Variants in PDE4DIP observed in about 807,000 individuals in gnomAD.
PDE4DIP encodes myomegalin.
A neutral mutation model predicts 221.4 loss-of-function variants in PDE4DIP; 59 were observed. The ratio of observed to expected loss-of-function variants is 0.27; its 90% CI spans 0.22 to 0.33. The LOEUF is 0.33. Among genes scored for constraint, PDE4DIP ranks in the 10% least tolerant of loss-of-function variants. The pLI is 1.00. For missense variants in PDE4DIP, 1,036 were observed against 2,154.2 expected, an observed-to-expected ratio of 0.48 and a Z score of 10.28; for synonymous variants, 404 against 815.9, an observed-to-expected ratio of 0.50 and a Z score of 8.60.
At chr1:148,990,462 G>A in intron 21 of PDE4DIP, 2 of 364,314 alleles carry the variant, frequency 5.5e-6, no homozygotes, top group Non-Finnish European at 7.6e-6. Flanking sequence ...CTGGATGTCT[G>A]AACTCAACAG....
At chr1:148,933,069 C>T (rs1327791455) in intron 4 of PDE4DIP, among the ~76,000 whole-genome samples, 7 of 152,164 alleles carry the variant, frequency 4.6e-5, no homozygotes, top group Admixed American at 6.5e-5. Context: ...AATACATTTC[C>T]GTTGTTTATA....
exon 44 of PDE4DIP, chr1:149,032,156 C>T: frequency 7.6e-7 from 1 of 1,308,756 alleles, no homozygotes; most frequent in Non-Finnish European, 1.1e-6. Flanking sequence ...GAGATGTATC[C>T]TGGTGGAGCT....
chr1:149,030,471 G>A, intron 43 of PDE4DIP, 193 bp downstream of exon 46: 8 of 982,828 alleles, frequency 8.1e-6, no homozygotes, highest in Non-Finnish European at 9.7e-6. Context: ...CACCCCGTCA[G>A]CTCCTGCCCC....
At chr1:148,997,315 C>T (rs1575076033) in intron 22 of PDE4DIP, among the ~76,000 whole-genome samples, 1 of 149,350 alleles carries the variant, frequency 6.7e-6, no homozygotes, top group East Asian at 2.0e-4. Flanking sequence ...TGAGCAAAGG[C>T]CATAAGATCT....
intron 1 of PDE4DIP, among the ~76,000 whole-genome samples, chr1:148,821,691 GTAAGA>G (rs1449857985): frequency 1.4e-5 from 2 of 144,814 alleles, no homozygotes; most frequent in African/African-American, 5.3e-5. Flanking sequence ...ATAGGCCGTG[GTAAGA>G]AGTGGATGTT....
intron 1 of PDE4DIP, among the ~76,000 whole-genome samples, chr1:148,827,244 CTT>C (rs67632049): frequency 6.6e-3 from 225 of 33,980 alleles, no homozygotes; most frequent in Admixed American, 8.3e-3. Context: ...GTGTTATATT[CTT>C]TTTTTTTTTT....
chr1:148,820,748 A>G (rs1373763887), intron 1 of PDE4DIP, among the ~76,000 whole-genome samples: 1 of 144,314 alleles, frequency 6.9e-6, no homozygotes, highest in African/African-American at 2.6e-5. Flanking sequence ...CTTCTTTGCC[A>G]TGGTTTATAG....
rs781927943 is a variant in PDE4DIP at position 148,969,041 on chromosome 1, A to G, written c.1980+11A>G. 3.8e-6 allele frequency: 6 copies of G among 1,598,612 alleles called. No homozygotes were observed. The African/African-American group carries it at 6.7e-5, about 18-fold the overall frequency. On this transcript the variant is annotated intron_variant, in intron 14 of 43. Transcript: ENST00000369354. ...GAGCAGGAAAGCCAAGTAAGGATTA[A>G]TGCACAGATCAGACAAGTGTCATGT...
intron 5 of PDE4DIP, among the ~76,000 whole-genome samples, chr1:148,946,035 T>G (rs1367895828): frequency 1.3e-5 from 2 of 151,282 alleles, no homozygotes; most frequent in Non-Finnish European, 2.9e-5. Flanking sequence ...TCCAGTCTCT[T>G]TCCATCTGTG....
intron 38 of PDE4DIP, among the ~76,000 whole-genome samples, chr1:149,025,426 C>T (rs587612687): frequency 3.3e-5 from 5 of 152,188 alleles, no homozygotes; most frequent in South Asian, 2.1e-4. Flanking sequence ...TGATTTATTT[C>T]GGGTGGTCAT....
chr1:149,009,693 C>T (rs782587360), exon 30 of PDE4DIP: 3 of 1,614,178 alleles, frequency 1.9e-6, no homozygotes, highest in East Asian at 2.2e-5. Context: ...CCCAGCAGCA[C>T]CTCTTTCCTG....
exon 20 of PDE4DIP, chr1:148,979,759 T>G: frequency 6.2e-7 from 1 of 1,613,456 alleles, no homozygotes; most frequent in Non-Finnish European, 8.5e-7. Flanking sequence ...CTAGAAGGAC[T>G]AGTAGATGAA....
intron 1 of PDE4DIP, among the ~76,000 whole-genome samples, chr1:148,820,633 C>A (rs1394554793): frequency 2.1e-5 from 3 of 143,508 alleles, no homozygotes; most frequent in Admixed American, 1.4e-4. Context: ...GAGATTATTG[C>A]AGACTTTTGT....
chr1:148,824,300 C>T (rs1309052277), intron 1 of PDE4DIP, among the ~76,000 whole-genome samples: 11 of 150,062 alleles, frequency 7.3e-5, no homozygotes, highest in Admixed American at 6.0e-4. Flanking sequence ...GGCTTTAGTT[C>T]CTGTCCACAC....
chr1:148,953,076 A>G (rs1553493593), intron 5 of PDE4DIP: 2 of 1,614,118 alleles, frequency 1.2e-6, no homozygotes, highest in African/African-American at 1.3e-5. Context: ...ATGTATCGGA[A>G]GAATAACGAT....
At position 148,911,982 on chromosome 1, in the gene PDE4DIP, A is replaced by G. The variant is rs616359; in HGVS notation, c.142-17215A>G. ...CTTTGCCATATTCTATTGGTTAGAA[A>G]TAAGTCGCAGGGCCTGCTCATACCC... is the stretch of plus-strand genomic sequence containing the variant. On this transcript the variant is annotated intron_variant, in intron 1 of 43. Coordinates refer to ENST00000369354, the Ensembl canonical transcript of PDE4DIP. 2.0e-3 allele frequency among the ~76,000 whole-genome samples: 292 copies of G among 144,398 alleles called. 22 individuals are homozygous for G. The highest frequency in any genetic ancestry group is 6.8e-3 in the African/African-American group (259 of 37,990). 94.7% of individuals were successfully genotyped at this position (144,398 alleles called of 152,430 possible).
At chr1:148,828,823 T>C (rs1315164061) in intron 1 of PDE4DIP, among the ~76,000 whole-genome samples, 1 of 151,064 alleles carries the variant, frequency 6.6e-6, no homozygotes, top group Non-Finnish European at 1.5e-5. Context: ...ATTTCTTTCC[T>C]TGAGGTTTGA....
intron 17 of PDE4DIP, among the ~76,000 whole-genome samples, chr1:148,976,465 C>G (rs2060191887): frequency 6.6e-6 from 1 of 152,052 alleles, no homozygotes. Flanking sequence ...GAAGAAGTCA[C>G]CTTATGTATA....
At chr1:148,953,087 G>C in intron 5 of PDE4DIP, 1 of 1,614,052 alleles carries the variant, frequency 6.2e-7, no homozygotes, top group African/African-American at 1.3e-5. Flanking sequence ...GAATAACGAT[G>C]ACTCTGGCGC....
Sources: allele counts gnomAD v4.1 joint callset (sites outside exome capture counted in the v4.1 genomes callset), GRCh38; gene constraint gnomAD v4.1.1; transcripts MANE v1.5; gene names NCBI Gene and HGNC (gene_info 2026-07-23, HGNC 2026-07-21).